The following MAP4 variants were observed in gnomAD, a reference collection of about 807,000 sequenced individuals.
MAP4 encodes microtubule-associated protein 4.
A neutral mutation model predicts 170.2 loss-of-function variants in MAP4; 76 were observed. The observed-to-expected ratio is 0.45, with a 90% CI of 0.37 to 0.54. The LOEUF is 0.54. Among genes scored for constraint, MAP4 ranks in the 20% least tolerant of loss-of-function variants. MAP4 has a pLI of 0.00. For missense variants in MAP4, 2,506 were observed against 2,748.0 expected (o/e 0.91, Z 1.97); for synonymous variants, 909 against 994.5 (o/e 0.91, Z 1.62).
At chr3:47,913,676 T>C (rs989391205) in intron 8 of MAP4, among the ~76,000 whole-genome samples, 4 of 152,136 alleles carry the variant, frequency 2.6e-5, no homozygotes, top group African/African-American at 9.7e-5. Context: ...TACTGATTTG[T>C]TGAGTCAGTA....
At chr3:48,081,408 T>C (rs1218476890) in intron 1 of MAP4, among the ~76,000 whole-genome samples, 2 of 152,138 alleles carry the variant, frequency 1.3e-5, no homozygotes, top group East Asian at 3.8e-4. Context: ...CTACCTGAGC[T>C]GAAAAACAGT....
At chr3:47,862,471 T>G (rs2068888687) in intron 17 of MAP4, among the ~76,000 whole-genome samples, 1 of 150,860 alleles carries the variant, frequency 6.6e-6, no homozygotes, top group South Asian at 2.1e-4. Flanking sequence ...AATATATGGA[T>G]CAATTTTTTC....
chr3:47,900,183 A>T (rs2100029247), intron 10 of MAP4, among the ~76,000 whole-genome samples: 1 of 152,246 alleles, frequency 6.6e-6, no homozygotes, highest in Non-Finnish European at 1.5e-5. Flanking sequence ...CTTGTTAATA[A>T]AAGATAAAGT....
chr3:47,951,477 G>T (rs1433998925), intron 3 of MAP4, among the ~76,000 whole-genome samples: 1 of 152,184 alleles, frequency 6.6e-6, no homozygotes, highest in African/African-American at 2.4e-5. Context: ...AGCCTGCCTA[G>T]TGCCTGCGAT....
chr3:47,973,632 T>C (rs2100080125), intron 3 of MAP4: 8 of 985,182 alleles, frequency 8.1e-6, no homozygotes, highest in African/African-American at 1.7e-5. Flanking sequence ...AATAAATAAA[T>C]GTCAATCATG....
intron 1 of MAP4, among the ~76,000 whole-genome samples, chr3:48,046,417 C>A (rs1411764067): frequency 6.6e-6 from 1 of 152,162 alleles, no homozygotes. Flanking sequence ...ATTATTTAAC[C>A]AAACCATGGT....
chr3:47,996,090 C>A (rs1157357413), intron 2 of MAP4, among the ~76,000 whole-genome samples: 1 of 152,148 alleles, frequency 6.6e-6, no homozygotes, highest in South Asian at 2.1e-4. Context: ...ATGGTACAGA[C>A]CTGGAGAAGG....
chr3:48,006,268 T>C (rs1015531916), intron 1 of MAP4, among the ~76,000 whole-genome samples: 10 of 152,188 alleles, frequency 6.6e-5, no homozygotes, highest in Non-Finnish European at 1.0e-4. Flanking sequence ...TGACAATTTA[T>C]GCAGTGAATC....
chr3:48,046,774 T>C (rs905941423), intron 1 of MAP4, among the ~76,000 whole-genome samples: 2 of 152,182 alleles, frequency 1.3e-5, no homozygotes, highest in Non-Finnish European at 2.9e-5. Context: ...GTATGTAATC[T>C]CTCCATGACT....
intron 1 of MAP4, among the ~76,000 whole-genome samples, chr3:48,060,304 A>G (rs1181663447): frequency 6.6e-6 from 1 of 152,202 alleles, no homozygotes; most frequent in African/African-American, 2.4e-5. Flanking sequence ...AAAGTCCAAG[A>G]GAACCCACCA....
chr3:47,886,995 G>A (rs2097700488), intron 10 of MAP4, among the ~76,000 whole-genome samples: 4 of 152,220 alleles, frequency 2.6e-5, no homozygotes, highest in Admixed American at 2.6e-4. Flanking sequence ...GCTATCATAG[G>A]CAGTCACCAC....
chr3:48,033,461 A>G (rs554286747), intron 1 of MAP4, among the ~76,000 whole-genome samples: 17 of 152,346 alleles, frequency 1.1e-4, no homozygotes, highest in Non-Finnish European at 1.8e-4. Context: ...TTGTACAAAC[A>G]GAAAAGTATA....
chr3:47,920,282 T>C (rs78184836), intron 5 of MAP4, among the ~76,000 whole-genome samples: 1 of 152,236 alleles, frequency 6.6e-6, no homozygotes, highest in East Asian at 1.9e-4. Flanking sequence ...AATTTTTCTA[T>C]TTTTAGTAGA....
intron 17 of MAP4, among the ~76,000 whole-genome samples, chr3:47,863,008 C>T (rs1026953264): frequency 7.4e-5 from 11 of 148,260 alleles, no homozygotes; most frequent in Admixed American, 7.4e-4. Context: ...CGGAGTTTCG[C>T]TCTTGTTGCC....
At chr3:48,065,736 A>C (rs539121232) in intron 1 of MAP4, among the ~76,000 whole-genome samples, 182 of 152,212 alleles carry the variant, frequency 1.2e-3, no homozygotes, top group Non-Finnish European at 2.2e-3. Flanking sequence ...TTGAGGAAAT[A>C]AAAAACTAGT....
intron 1 of MAP4, among the ~76,000 whole-genome samples, chr3:48,075,695 C>A (rs1034449968): frequency 2.6e-5 from 4 of 151,738 alleles, no homozygotes; most frequent in Non-Finnish European, 5.9e-5. Context: ...GATTTTGGGC[C>A]GGGCGCAGTG....
intron 1 of MAP4, among the ~76,000 whole-genome samples, chr3:48,040,756 G>C (rs944624120): frequency 6.6e-6 from 1 of 151,038 alleles, no homozygotes; most frequent in African/African-American, 2.4e-5. Context: ...TAGAGACGGG[G>C]TTTCACCAAT....
At chr3:48,051,092 C>CCACACACACACACACACACA (rs145028487) in intron 1 of MAP4, among the ~76,000 whole-genome samples, 6 of 144,018 alleles carry the variant, frequency 4.2e-5, no homozygotes, top group African/African-American at 1.3e-4. Flanking sequence ...CATTCAATTT[C>CCACACACACACACACACACA]CACACACACA....
intron 1 of MAP4, among the ~76,000 whole-genome samples, chr3:48,002,975 A>AATTAATTAATT (rs1559772607): frequency 2.0e-5 from 3 of 150,258 alleles, no homozygotes; most frequent in African/African-American, 7.4e-5. Context: ...ATAAATAAAT[A>AATTAATTAATT]AATAAATAAA....
Sources: allele counts gnomAD v4.1 joint callset (sites outside exome capture counted in the v4.1 genomes callset), GRCh38; gene constraint gnomAD v4.1.1; transcripts MANE v1.5; gene names NCBI Gene and HGNC (gene_info 2026-07-23, HGNC 2026-07-21).